Variants in AMD1 observed in about 807,000 individuals in gnomAD.
AMD1 encodes S-adenosylmethionine decarboxylase proenzyme.
AMD1 carries 11 observed loss-of-function variants against 40.2 expected under a neutral mutation model. The ratio of observed to expected loss-of-function variants is 0.27; its 90% CI spans 0.17 to 0.45. AMD1 has a LOEUF of 0.45. Ranked by LOEUF, AMD1 falls within the 20% of genes least tolerant of loss-of-function variation. The pLI is 1.00. For missense variants in AMD1, 257 were observed against 410.2 expected (o/e 0.63, Z 3.23); for synonymous variants, 121 against 130.8 (o/e 0.93, Z 0.51).
chr6:110,882,495 C>T (rs1785462820), intron 1 of AMD1, among the ~76,000 whole-genome samples: 1 of 152,170 alleles, frequency 6.6e-6, no homozygotes, highest in African/African-American at 2.4e-5. Context: ...GCCATTTTTT[C>T]CCACAGAAAT....
At chr6:110,819,781 C>G in the AMD1 span, among the ~76,000 whole-genome samples, 1 of 152,120 alleles carries the variant, frequency 6.6e-6, no homozygotes, top group Non-Finnish European at 1.5e-5. Flanking sequence ...GAAGCCTGCA[C>G]AAGATACAGA....
the AMD1 span, among the ~76,000 whole-genome samples, chr6:110,857,823 T>C: frequency 1.3e-5 from 2 of 149,278 alleles, no homozygotes; most frequent in Non-Finnish European, 3.0e-5. Context: ...TATATACATA[T>C]ATATCACTAT....
At chr6:110,863,926 A>G in the AMD1 span, 15 of 494,128 alleles carry the variant, frequency 3.0e-5, no homozygotes, top group South Asian at 2.3e-4. Context: ...CCAAAAAAAC[A>G]TGAAGGCCAA....
intron 1 of AMD1, 67 bp downstream of exon 1, chr6:110,875,282 A>G: frequency 7.8e-7 from 1 of 1,276,444 alleles, no homozygotes; most frequent in South Asian, 1.3e-5. Context: ...GGCACCAGCC[A>G]CGGGTGGAGC....
chr6:110,875,531 G>A, intron 1 of AMD1: 1 of 246,828 alleles, frequency 4.1e-6, no homozygotes. Context: ...GTGGTTTTGC[G>A]GCCCGCGCCT....
the AMD1 span, among the ~76,000 whole-genome samples, chr6:110,854,743 C>T: frequency 5.3e-5 from 8 of 151,982 alleles, no homozygotes; most frequent in South Asian, 6.2e-4. Flanking sequence ...CCACCGCACC[C>T]GGCCAAATGT....
chr6:110,859,197 G>C, the AMD1 span: 1 of 871,526 alleles, frequency 1.1e-6, no homozygotes, highest in Non-Finnish European at 1.8e-6. Context: ...TGAGTTTCTG[G>C]GTTTTTCTGT....
At chr6:110,829,084 C>T in the AMD1 span, among the ~76,000 whole-genome samples, 1 of 151,116 alleles carries the variant, frequency 6.6e-6, no homozygotes, top group African/African-American at 2.4e-5. Context: ...GCAGGAGAAT[C>T]ATTTGAACCT....
the AMD1 span, among the ~76,000 whole-genome samples, chr6:110,869,505 C>CTTTTTT: frequency 1.4e-5 from 2 of 143,884 alleles, no homozygotes; most frequent in Non-Finnish European, 3.0e-5. Context: ...TTTACAGTTT[C>CTTTTTT]TTTTTTTTTT....
chr6:110,821,286 T>C, the AMD1 span, among the ~76,000 whole-genome samples: 2 of 152,110 alleles, frequency 1.3e-5, no homozygotes, highest in Non-Finnish European at 2.9e-5. Context: ...ATGTTCTATT[T>C]TTCCCATTTA....
chr6:110,823,915 A>G, the AMD1 span, among the ~76,000 whole-genome samples: 1 of 152,228 alleles, frequency 6.6e-6, no homozygotes, highest in Non-Finnish European at 1.5e-5. Context: ...GATTAGAAGA[A>G]TCAAGACAAT....
chr6:110,829,172 A>C, the AMD1 span, among the ~76,000 whole-genome samples: 1 of 151,694 alleles, frequency 6.6e-6, no homozygotes, highest in Non-Finnish European at 1.5e-5. Context: ...CTCCGTCTCA[A>C]ACAAACAACC....
chr6:110,831,232 G>A, the AMD1 span, among the ~76,000 whole-genome samples: 1 of 152,118 alleles, frequency 6.6e-6, no homozygotes, highest in East Asian at 1.9e-4. Context: ...GAAGTCAGGA[G>A]TTCAAGACCA....
the AMD1 span, among the ~76,000 whole-genome samples, chr6:110,866,657 A>G: frequency 6.6e-6 from 1 of 152,094 alleles, no homozygotes; most frequent in East Asian, 1.9e-4. Flanking sequence ...GGAGAAAAAA[A>G]TTAATTTTTT....
chr6:110,863,965 C>CTT, the AMD1 span: 363 of 392,850 alleles, frequency 9.2e-4, no homozygotes, highest in South Asian at 2.5e-3. Flanking sequence ...TACCACTAAT[C>CTT]TTTTTTTTTT....
At chr6:110,846,215 G>A in the AMD1 span, among the ~76,000 whole-genome samples, 1 of 152,038 alleles carries the variant, frequency 6.6e-6, no homozygotes, top group Non-Finnish European at 1.5e-5. Context: ...CTCCAGCCTG[G>A]GTGACAGTGT....
chr6:110,863,933 C>T, the AMD1 span: 22 of 485,524 alleles, frequency 4.5e-5, no homozygotes, highest in East Asian at 3.5e-4. Flanking sequence ...AACATGAAGG[C>T]CAAAAACAAA....
chr6:110,851,032 T>G, the AMD1 span, among the ~76,000 whole-genome samples: 4 of 151,330 alleles, frequency 2.6e-5, no homozygotes, highest in Non-Finnish European at 5.9e-5. Flanking sequence ...GGTGCAATCT[T>G]GGTTCACTGC....
the AMD1 span, among the ~76,000 whole-genome samples, chr6:110,824,610 G>T: frequency 6.6e-6 from 1 of 152,096 alleles, no homozygotes; most frequent in Non-Finnish European, 1.5e-5. Context: ...GTTATTTAAT[G>T]AAACCAAATT....
Sources: allele counts gnomAD v4.1 joint callset (sites outside exome capture counted in the v4.1 genomes callset), GRCh38; gene constraint gnomAD v4.1.1; transcripts MANE v1.5; gene names NCBI Gene and HGNC (gene_info 2026-07-23, HGNC 2026-07-21).